ALK: variants seen among roughly 807,000 people sequenced by gnomAD.
ALK encodes ALK receptor tyrosine kinase, also known as ALK tyrosine kinase receptor.
Under a neutral mutation model 163.1 loss-of-function variants are expected in ALK, and 74 were observed. The ratio of observed to expected loss-of-function variants is 0.45; its 90% CI spans 0.38 to 0.55. ALK has a LOEUF of 0.55. Ranked by LOEUF, ALK falls within the 20% of genes least tolerant of loss-of-function variation. The pLI, the probability that ALK is intolerant of heterozygous loss-of-function variation, is 0.00. For missense variants in ALK, 2,063 were observed against 2,105.3 expected (o/e 0.98, Z 0.39); for synonymous variants, 960 against 843.2 (o/e 1.14, Z -2.40).
At chr2:29,594,391 G>C (rs1192071262) in intron 3 of ALK, among the ~76,000 whole-genome samples, 1 of 150,822 alleles carries the variant, frequency 6.6e-6, no homozygotes, top group Non-Finnish European at 1.5e-5. Context: ...TTTACACTAT[G>C]AGTATAGACA....
chr2:29,223,236 G>C (rs2148170272), intron 20 of ALK, 106 bp downstream of exon 20: 1 of 1,263,282 alleles, frequency 7.9e-7, no homozygotes, highest in Non-Finnish European at 1.1e-6. Context: ...TGCCCATAGG[G>C]AGGGCTCTGC....
intron 5 of ALK, among the ~76,000 whole-genome samples, chr2:29,369,512 C>A (rs1257224783): frequency 6.6e-6 from 1 of 152,194 alleles, no homozygotes; most frequent in Non-Finnish European, 1.5e-5. Context: ...CCAACCATTT[C>A]AGCCACCTTG....
intron 3 of ALK, among the ~76,000 whole-genome samples, chr2:29,556,193 A>G (rs909249517): frequency 3.3e-5 from 5 of 152,272 alleles, no homozygotes; most frequent in Non-Finnish European, 5.9e-5. Flanking sequence ...CAGAGCTCTG[A>G]CCACCTATGC....
chr2:29,854,484 T>G (rs1178203398), intron 1 of ALK, among the ~76,000 whole-genome samples: 1 of 152,164 alleles, frequency 6.6e-6, no homozygotes, highest in African/African-American at 2.4e-5. Context: ...ACCATGATTG[T>G]AGGCTGAGGC....
At chr2:29,641,631 A>C (rs935775729) in intron 3 of ALK, among the ~76,000 whole-genome samples, 6 of 151,924 alleles carry the variant, frequency 3.9e-5, no homozygotes, top group East Asian at 1.9e-4. Context: ...CACCACCACC[A>C]CCCCCTACTA....
intron 1 of ALK, among the ~76,000 whole-genome samples, chr2:29,849,150 C>T (rs1057121924): frequency 7.9e-5 from 12 of 152,196 alleles, no homozygotes; most frequent in South Asian, 2.1e-4. Context: ...GGGCCCCACT[C>T]GGGCCCCTCC....
At chr2:29,910,702 A>G (rs867311887) in intron 1 of ALK, among the ~76,000 whole-genome samples, 1 of 152,236 alleles carries the variant, frequency 6.6e-6, no homozygotes, top group Non-Finnish European at 1.5e-5. Flanking sequence ...ATGGAGCAAC[A>G]GCATTAAAGT....
chr2:29,642,420 C>T (rs1323335090), intron 3 of ALK, among the ~76,000 whole-genome samples: 2 of 152,138 alleles, frequency 1.3e-5, no homozygotes, highest in Non-Finnish European at 2.9e-5. Flanking sequence ...AGAAAAGAAG[C>T]CGAATCAGCA....
At chr2:29,515,157 C>T (rs1282746163) in intron 4 of ALK, among the ~76,000 whole-genome samples, 3 of 152,128 alleles carry the variant, frequency 2.0e-5, no homozygotes, top group African/African-American at 7.2e-5. Context: ...TGCTACTTGT[C>T]ACTTCTACTC....
intron 6 of ALK, among the ~76,000 whole-genome samples, chr2:29,324,958 T>C (rs891471522): frequency 1.3e-5 from 2 of 152,156 alleles, no homozygotes; most frequent in African/African-American, 4.8e-5. Flanking sequence ...CCTGGACAAC[T>C]GTTAGAATTT....
At chr2:29,319,354 T>C (rs189987816) in intron 7 of ALK, 2 of 152,336 alleles carry the variant, frequency 1.3e-5, no homozygotes, top group Admixed American at 6.5e-5. Context: ...AAGGCTGTTA[T>C]TAAGTAACAA....
intron 4 of ALK, among the ~76,000 whole-genome samples, chr2:29,460,865 TA>T (rs1276105479): frequency 2.6e-5 from 4 of 152,170 alleles, no homozygotes; most frequent in Non-Finnish European, 5.9e-5. Flanking sequence ...TTAAGCTTGG[TA>T]AGGAAGGCAT....
At chr2:29,307,695 A>G (rs1431345373) in intron 8 of ALK, among the ~76,000 whole-genome samples, 1 of 152,254 alleles carries the variant, frequency 6.6e-6, no homozygotes, top group Non-Finnish European at 1.5e-5. Flanking sequence ...ACCTGGAAAA[A>G]TGAAACACCA....
chr2:29,607,216 G>A (rs1675564162), intron 3 of ALK, among the ~76,000 whole-genome samples: 1 of 152,166 alleles, frequency 6.6e-6, no homozygotes, highest in South Asian at 2.1e-4. Context: ...AGCCAGGGTA[G>A]GAGAGGCGAG....
At position 29,760,706 on chromosome 2, in the gene ALK, CATT is replaced by C. The variant is rs1434542066; in HGVS notation, c.668-43012_668-43010del. On this transcript the variant is annotated intron_variant, in intron 1 of 28. Coordinates refer to ENST00000389048, the MANE Select transcript of ALK (RefSeq NM_004304.5). Reference sequence around the variant, plus strand: ...GACTCTTTTGCAAAGGGCTTACAGACATTATTGTTGGGATTACTACTAATTTTT... The same window carrying C: ...GACTCTTTTGCAAAGGGCTTACAGACATTGTTGGGATTACTACTAATTTTT... 3.4e-4 allele frequency among the ~76,000 whole-genome samples: 52 copies of C among 152,324 alleles called. 1 individual carries two copies. Among genetic ancestry groups the C allele is most frequent in the Middle Eastern group, 6.8e-3 (2 of 294 alleles).
At chr2:29,622,900 C>G (rs1573506748) in intron 3 of ALK, among the ~76,000 whole-genome samples, 1 of 152,296 alleles carries the variant, frequency 6.6e-6, no homozygotes, top group Middle Eastern at 3.4e-3. Context: ...TCTAATCACA[C>G]TGATTAGAAT....
intron 2 of ALK, among the ~76,000 whole-genome samples, chr2:29,709,363 G>A (rs527300974): frequency 2.6e-5 from 4 of 152,206 alleles, no homozygotes; most frequent in South Asian, 4.2e-4. Context: ...AGAGAACTTT[G>A]GGGGCTGAAA....
At chr2:29,543,305 T>C (rs1398358112) in intron 3 of ALK, among the ~76,000 whole-genome samples, 1 of 152,236 alleles carries the variant, frequency 6.6e-6, no homozygotes, top group Non-Finnish European at 1.5e-5. Flanking sequence ...GAGTGATCAT[T>C]GATCAGTCCC....
At chr2:29,491,728 T>C (rs1671907401) in intron 4 of ALK, among the ~76,000 whole-genome samples, 1 of 152,178 alleles carries the variant, frequency 6.6e-6, no homozygotes, top group South Asian at 2.1e-4. Flanking sequence ...TGTGTCCTTC[T>C]TTAACTGACA....
Sources: gnomAD v4.1 joint callset for allele counts (sites outside exome capture counted in the v4.1 genomes callset) on GRCh38, gnomAD v4.1.1 for gene constraint, MANE v1.5 for transcripts, NCBI Gene and HGNC (gene_info 2026-07-23, HGNC 2026-07-21) for gene names.